The following PIGB variants were observed in gnomAD, a reference collection of about 807,000 sequenced individuals.
PIGB encodes phosphatidylinositol glycan anchor biosynthesis class B.
PIGB carries 58 observed loss-of-function variants against 68.4 expected under a neutral mutation model. The observed-to-expected ratio is 0.85, with a 90% confidence interval of 0.69 to 1.06. The LOEUF (loss-of-function observed/expected upper bound fraction) is 1.06. PIGB is among the 50% of genes least tolerant of loss of function. PIGB has a pLI of 0.00. For synonymous variants in PIGB, 219 were observed against 220.5 expected, an observed-to-expected ratio of 0.99 and a Z score of 0.06; for missense variants, 634 against 655.8, an observed-to-expected ratio of 0.97 and a Z score of 0.36.
intron 9 of PIGB, among the ~76,000 whole-genome samples, chr15:55,342,309 T>A (rs1888238798): frequency 6.6e-6 from 1 of 152,202 alleles, no homozygotes; most frequent in East Asian, 1.9e-4. Flanking sequence ...GAAAAATGTA[T>A]TTACTGCTGT....
intron 1 of PIGB, chr15:55,319,637 G>A (rs866868427): frequency 7.1e-6 from 3 of 424,836 alleles, no homozygotes; most frequent in African/African-American, 4.1e-5. Flanking sequence ...CCGACAGGCT[G>A]TCCATTTGTG....
intron 5 of PIGB, among the ~76,000 whole-genome samples, chr15:55,332,929 A>G (rs961825574): frequency 6.6e-6 from 1 of 152,194 alleles, no homozygotes; most frequent in Non-Finnish European, 1.5e-5. Context: ...AGTTGTATGC[A>G]TATATATTTC....
intron 6 of PIGB, among the ~76,000 whole-genome samples, chr15:55,336,603 C>T (rs1393648974): frequency 6.6e-6 from 1 of 152,130 alleles, no homozygotes; most frequent in East Asian, 1.9e-4. Flanking sequence ...AAGTGAAAAA[C>T]AGAATGGCTG....
In PIGB at chr15:55,319,288, G is replaced by A. The variant is rs942714779; in HGVS notation, c.38G>A (p.Gly13Glu). The change falls in exon 1 of 12, where the codon GGG becomes GAG. Residue 13 changes from glycine (G) to glutamate (E), a missense_variant. Coordinates refer to ENST00000164305, the MANE Select transcript of PIGB (RefSeq NM_004855.5). Reference protein sequence around the residue: ...RPLSKCGMEPGGGDASLTLHG... With the variant: ...RPLSKCGMEPEGGDASLTLHG... Reference sequence around the variant, plus strand: ...CTAAGCAAGTGCGGAATGGAGCCGGGGGGCGGAGATGCCAGCCTCACTTTG... The same window carrying A: ...CTAAGCAAGTGCGGAATGGAGCCGGAGGGCGGAGATGCCAGCCTCACTTTG... 9 of 1,606,746 alleles carry A rather than the reference G, an allele frequency of 5.6e-6. No individual in the cohort carries two copies. In the African/African-American group the frequency reaches 8.0e-5, roughly 14 times the overall value.
chr15:55,334,156 A>AT (rs1249742701), intron 6 of PIGB, 149 bp downstream of exon 6: 1 of 478,974 alleles, frequency 2.1e-6, no homozygotes, highest in Admixed American at 4.3e-5. Flanking sequence ...CAAAACTTAT[A>AT]TTTTTTATTT....
intron 6 of PIGB, among the ~76,000 whole-genome samples, chr15:55,338,375 G>C (rs947009786): frequency 6.6e-6 from 1 of 152,224 alleles, no homozygotes; most frequent in African/African-American, 2.4e-5. Flanking sequence ...GCCAGGCACA[G>C]TGGCTTATAT....
intron 3 of PIGB, among the ~76,000 whole-genome samples, chr15:55,324,169 C>G (rs1219172450): frequency 6.6e-6 from 1 of 152,126 alleles, no homozygotes; most frequent in Admixed American, 6.5e-5. Context: ...CCAAGCTTGC[C>G]AACAGTAGGG....
chr15:55,333,413 T>C (rs28748576), intron 5 of PIGB, among the ~76,000 whole-genome samples: 42,064 of 150,974 alleles, frequency 0.28, 6,951 homozygotes, highest in East Asian at 0.56. Flanking sequence ...CTGGCCAACA[T>C]GGTAAAACCC....
intron 9 of PIGB, among the ~76,000 whole-genome samples, chr15:55,347,979 GTTTCTT>G (rs1439585270): frequency 7.9e-6 from 1 of 126,328 alleles, no homozygotes; most frequent in Non-Finnish European, 1.7e-5. Context: ...TAGTGCCATA[GTTTCTT>G]TTTTTTTTTT....
intron 6 of PIGB, among the ~76,000 whole-genome samples, chr15:55,338,712 C>A (rs1309161003): frequency 1.3e-5 from 2 of 152,136 alleles, no homozygotes; most frequent in Non-Finnish European, 2.9e-5. Flanking sequence ...CTGTCTCACT[C>A]ACTCTTGGCT....
At chr15:55,328,847 T>G (rs925426141) in intron 4 of PIGB, among the ~76,000 whole-genome samples, 1 of 152,108 alleles carries the variant, frequency 6.6e-6, no homozygotes, top group African/African-American at 2.4e-5. Flanking sequence ...ACACCTGTAA[T>G]CCCAGCTACT....
intron 5 of PIGB, among the ~76,000 whole-genome samples, chr15:55,332,764 G>T (rs2055446975): frequency 1.3e-5 from 2 of 151,966 alleles, no homozygotes; most frequent in African/African-American, 4.8e-5. Context: ...TTTTTTACAG[G>T]ACTAAGTATT....
At position 55,327,571 on chromosome 15, in the gene PIGB, T is replaced by C; in HGVS notation, c.458T>C (p.Val153Ala). The C allele has an allele frequency of 6.2e-7, 1 of 1,612,432 alleles. No individual in the cohort carries two copies. Residue 153 changes from valine (V) to alanine (A), a missense_variant, in exon 4 of 12, where the codon GTA becomes GCA. Coordinates refer to ENST00000164305, the MANE Select transcript of PIGB (RefSeq NM_004855.5). Reference protein sequence around the residue: ...PRLAQALLSAVADVRLYSLMK... With the variant: ...PRLAQALLSAAADVRLYSLMK... ...CTTGCCCAAGCACTTCTGTCTGCTGTAGCAGATGTGAGACTTTACTCATTA... is the reference window on the plus strand; with the variant it reads ...CTTGCCCAAGCACTTCTGTCTGCTGCAGCAGATGTGAGACTTTACTCATTA...
Position 55,355,317 on chromosome 15 carries a change from A to G in PIGB, c.1550A>G (p.Tyr517Cys). ...AGCGCTTTCCTAATTTCAAGCAATTATAAAAGAACTGCTGTTTTCTTCCAC... is the reference window on the plus strand; with the variant it reads ...AGCGCTTTCCTAATTTCAAGCAATTGTAAAAGAACTGCTGTTTTCTTCCAC... The part of the protein sequence containing the change: ...EISAFLISSN[Y>C]KRTAVFFHTH... Residue 517 changes from tyrosine (Y) to cysteine (C), a missense_variant, in exon 12 of 12, where the codon TAT becomes TGT. Coordinates refer to ENST00000164305, the MANE Select transcript of PIGB (RefSeq NM_004855.5). 1 of 1,610,944 alleles carries G rather than the reference A, an allele frequency of 6.2e-7. No individual in the cohort carries two copies. Among genetic ancestry groups the G allele is most frequent in the Non-Finnish European group, 8.5e-7 (1 of 1,177,702 alleles).
intron 5 of PIGB, among the ~76,000 whole-genome samples, chr15:55,332,911 C>T (rs1199984825): frequency 1.3e-5 from 2 of 152,064 alleles, no homozygotes; most frequent in Admixed American, 6.6e-5. Context: ...TACAGTAGGC[C>T]TTTTATCAGT....
chr15:55,344,890 CT>C (rs1164109873), intron 9 of PIGB, among the ~76,000 whole-genome samples: 7,488 of 98,980 alleles, frequency 0.076, 131 homozygotes, highest in African/African-American at 0.16. Context: ...ATATTCTTAT[CT>C]TTTTTTTTTT....
Position 55,354,880 on chromosome 15 carries a change from G to C in PIGB, c.1420G>C (p.Asp474His), listed in dbSNP as rs1051919431. ...TGKSHYLDEA[D>H]VFYLNPLNWL... ...AAAAAGTCATTATCTTGATGAAGCA[G>C]ATGTATTTTACCTAAATCCCTTAAA... is the stretch of plus-strand genomic sequence containing the variant. Residue 474 changes from aspartate (D) to histidine (H), a missense_variant, in exon 11 of 12, where the codon GAT (aspartate) becomes CAT (histidine). Coordinates refer to ENST00000164305, the MANE Select transcript of PIGB (RefSeq NM_004855.5). 1.2e-6 allele frequency: 2 copies of C among 1,613,504 alleles called. No individual in the cohort carries two copies. The highest frequency in any genetic ancestry group is 1.7e-6 in the Non-Finnish European group (2 of 1,179,678).
In PIGB at chr15:55,334,038, T is replaced by C. The variant is rs750331485; in HGVS notation, c.794+31T>C. On this transcript the variant is annotated intron_variant, in intron 6 of 11. Transcript: ENST00000164305. ...TGTGGCAATAATCCATCCATTTATT[T>C]TAGTAGCCTACAAATCACAGATTAC... 3.4e-6 allele frequency: 5 copies of C among 1,487,410 alleles called. No homozygotes were observed. The Admixed American group carries it at 1.1e-4, about 33-fold the overall frequency. 92.1% of individuals were successfully genotyped at this position (1,487,410 alleles called of 1,614,324 possible).
At chr15:55,346,071 C>A (rs1394850478) in intron 9 of PIGB, among the ~76,000 whole-genome samples, 2 of 152,176 alleles carry the variant, frequency 1.3e-5, no homozygotes, top group Non-Finnish European at 2.9e-5. Context: ...ATACTCCCAT[C>A]CTCTCTATTA....
Sources: allele counts gnomAD v4.1 joint callset (sites outside exome capture counted in the v4.1 genomes callset), GRCh38; gene constraint gnomAD v4.1.1; transcripts MANE v1.5; gene names NCBI Gene and HGNC (gene_info 2026-07-23, HGNC 2026-07-21).